The following LDLRAD4 variants were observed in gnomAD, a reference collection of about 807,000 sequenced individuals.
LDLRAD4 encodes the protein low density lipoprotein receptor class A domain containing 4, also known as low-density lipoprotein receptor class A domain-containing protein 4.
LDLRAD4 carries 5 observed loss-of-function variants against 17.0 expected under a neutral mutation model. The observed-to-expected ratio is 0.29, with a 90% confidence interval of 0.15 to 0.62. The LOEUF (loss-of-function observed/expected upper bound fraction) is 0.62. Ranked by LOEUF, LDLRAD4 falls within the 20% of genes least tolerant of loss-of-function variation. The pLI, the probability that LDLRAD4 is intolerant of heterozygous loss-of-function variation, is 0.84. For missense variants in LDLRAD4, 340 were observed against 424.7 expected, an observed-to-expected ratio of 0.80 and a Z score of 1.75; for synonymous variants, 168 against 171.8, an observed-to-expected ratio of 0.98 and a Z score of 0.17.
chr18:13,343,332 G>A (rs2082489737), intron 1 of LDLRAD4, among the ~76,000 whole-genome samples: 1 of 148,312 alleles, frequency 6.7e-6, no homozygotes, highest in African/African-American at 2.5e-5. Context: ...AACATGTGGT[G>A]TTTGGTTTTT....
intron 3 of LDLRAD4, among the ~76,000 whole-genome samples, chr18:13,546,120 G>A (rs1296634313): frequency 1.3e-5 from 2 of 152,108 alleles, no homozygotes; most frequent in African/African-American, 2.4e-5. Flanking sequence ...GGGAGTGGGT[G>A]GTAAAAGTCA....
chr18:13,326,931 C>A (rs1413260941), intron 1 of LDLRAD4, among the ~76,000 whole-genome samples: 1 of 152,168 alleles, frequency 6.6e-6, no homozygotes, highest in African/African-American at 2.4e-5. Context: ...AGACCAAGTG[C>A]TTACTGAAGT....
At chr18:13,293,994 T>C (rs1169539822) in intron 1 of LDLRAD4, among the ~76,000 whole-genome samples, 1 of 152,162 alleles carries the variant, frequency 6.6e-6, no homozygotes, top group African/African-American at 2.4e-5. Context: ...GTTTCTGAAG[T>C]TGGAATGGCA....
chr18:13,464,383 C>T (rs2092546032), intron 3 of LDLRAD4, among the ~76,000 whole-genome samples: 1 of 152,194 alleles, frequency 6.6e-6, no homozygotes, highest in Admixed American at 6.5e-5. Context: ...ATAGAAATTG[C>T]TCTAATCTGA....
chr18:13,542,114 T>C lies in LDLRAD4; in HGVS notation c.182-79003T>C, dbSNP rs967019250. ...AGGTCACTCTCTACTCAAGTTCTAC[T>C]TATATAACAGCAATGCAGCTCTCTT... On this transcript the variant is annotated intron_variant, in intron 3 of 5. Transcript: ENST00000359446. 2.6e-5 allele frequency among the ~76,000 whole-genome samples: 4 copies of C among 152,322 alleles called. No individual in the cohort carries two copies. In the South Asian group the frequency reaches 8.3e-4, roughly 32 times the overall value.
chr18:13,629,689 T>C (rs1202677890), intron 4 of LDLRAD4, among the ~76,000 whole-genome samples: 1 of 152,082 alleles, frequency 6.6e-6, no homozygotes, highest in Non-Finnish European at 1.5e-5. Context: ...ATCTTTTAAA[T>C]ATATAAGGTA....
intron 3 of LDLRAD4, among the ~76,000 whole-genome samples, chr18:13,493,184 C>G (rs1632539): frequency 0.24 from 36,109 of 152,104 alleles, 5,101 homozygotes; most frequent in African/African-American, 0.39. Context: ...TGCCTACAGC[C>G]AAGAAGTTAC....
intron 2 of LDLRAD4, among the ~76,000 whole-genome samples, chr18:13,413,976 C>T (rs1159125971): frequency 6.6e-6 from 1 of 152,094 alleles, no homozygotes; most frequent in Non-Finnish European, 1.5e-5. Context: ...TCTACCCATA[C>T]CCGAGGTTTT....
At chr18:13,635,221 T>A (rs1452249286) in intron 4 of LDLRAD4, among the ~76,000 whole-genome samples, 1 of 152,308 alleles carries the variant, frequency 6.6e-6, no homozygotes, top group East Asian at 1.9e-4. Context: ...GAGACCACAG[T>A]GCCAGCACGG....
chr18:13,397,555 C>T (rs1326433398), intron 2 of LDLRAD4, among the ~76,000 whole-genome samples: 1 of 152,228 alleles, frequency 6.6e-6, no homozygotes, highest in Non-Finnish European at 1.5e-5. Context: ...GCATGAGCCA[C>T]TGTTCCCTGC....
intron 3 of LDLRAD4, among the ~76,000 whole-genome samples, chr18:13,527,769 G>A (rs1299606982): frequency 6.6e-6 from 1 of 152,098 alleles, no homozygotes; most frequent in East Asian, 1.9e-4. Flanking sequence ...GTGGGTGAAA[G>A]GAATGAGAAG....
At chr18:13,467,965 A>G (rs1279370549) in intron 3 of LDLRAD4, among the ~76,000 whole-genome samples, 3 of 152,242 alleles carry the variant, frequency 2.0e-5, no homozygotes, top group Non-Finnish European at 2.9e-5. Flanking sequence ...ACCCTATCTC[A>G]TATCAGGTAC....
rs1282470317 is a variant in LDLRAD4 at position 13,294,073 on chromosome 18, G to A, written c.-383+15885G>A. ...GGTTGCAATTTTTTGAATTGCAGACGTGTGAAAAATCAGACCTTGGCAATG... is the reference window on the plus strand; with the variant it reads ...GGTTGCAATTTTTTGAATTGCAGACATGTGAAAAATCAGACCTTGGCAATG... On this transcript the variant is annotated intron_variant, in intron 1 of 5. Transcript: ENST00000359446. Among the ~76,000 whole-genome samples the A allele has an allele frequency of 3.3e-5, 5 of 152,210 alleles. No homozygotes were observed. The East Asian group carries it at 9.6e-4, about 29-fold the overall frequency.
At chr18:13,594,628 T>TGG (rs1282548105) in intron 3 of LDLRAD4, among the ~76,000 whole-genome samples, 1 of 123,024 alleles carries the variant, frequency 8.1e-6, no homozygotes, top group African/African-American at 3.2e-5. Context: ...ATCATGCCAC[T>TGG]ATGCTCCAGC....
chr18:13,220,806 G>T (rs533986154), intron 1 of LDLRAD4, among the ~76,000 whole-genome samples: 1 of 152,192 alleles, frequency 6.6e-6, no homozygotes, highest in South Asian at 2.1e-4. Flanking sequence ...CTGACTGATA[G>T]GGAAGCACAG....
At chr18:13,412,928 A>G (rs1235118421) in intron 2 of LDLRAD4, among the ~76,000 whole-genome samples, 1 of 152,212 alleles carries the variant, frequency 6.6e-6, no homozygotes, top group Non-Finnish European at 1.5e-5. Flanking sequence ...ATAGTTGAAG[A>G]CTGTCCTGAG....
upstream of LDLRAD4, among the ~76,000 whole-genome samples, chr18:13,275,852 T>C (rs1298893809): frequency 6.6e-6 from 1 of 152,220 alleles, no homozygotes; most frequent in Admixed American, 6.5e-5. Context: ...ATGTGGTTTT[T>C]GCCCACAAGG....
At chr18:13,344,714 G>A (rs1426160201) in intron 1 of LDLRAD4, among the ~76,000 whole-genome samples, 2 of 152,208 alleles carry the variant, frequency 1.3e-5, no homozygotes, top group South Asian at 2.1e-4. Flanking sequence ...TTACCCATGA[G>A]CATGGAATGT....
intron 1 of LDLRAD4, among the ~76,000 whole-genome samples, chr18:13,385,218 A>G (rs11080647): frequency 0.11 from 17,502 of 152,210 alleles, 1,555 homozygotes; most frequent in African/African-American, 0.24. Flanking sequence ...TTTAATTTGC[A>G]TATCCCAGAT....
Sources: gnomAD v4.1 joint callset for allele counts (sites outside exome capture counted in the v4.1 genomes callset) on GRCh38, gnomAD v4.1.1 for gene constraint, MANE v1.5 for transcripts, NCBI Gene and HGNC (gene_info 2026-07-23, HGNC 2026-07-21) for gene names.